COTL1: variants seen among roughly 807,000 people sequenced by gnomAD.
COTL1 encodes coactosin-like protein.
COTL1 carries 15 observed loss-of-function variants against 16.5 expected under a neutral mutation model. The ratio of observed to expected loss-of-function variants is 0.91; its 90% CI spans 0.61 to 1.40. The LOEUF (loss-of-function observed/expected upper bound fraction) is 1.40, where lower values mean the gene tolerates loss of function less well. Ranked by LOEUF, COTL1 falls within the 40% of genes most tolerant of loss-of-function variation. The pLI is 0.00. For synonymous variants in COTL1, 112 were observed against 85.3 expected (o/e 1.31, Z -1.73); for missense variants, 220 against 201.5 (o/e 1.09, Z -0.56).
rs1904923401 is a variant in COTL1 at position 84,593,552 on chromosome 16, C to T, written c.161-3290G>A. On this transcript the variant is annotated intron_variant, in intron 2 of 3. Transcript: ENST00000262428. ...TTGAGAAGGGAGTCTCGCTCCGTCG[C>T]CCAGGCTGGAGTGCAGTGGCGCGAT... Among the ~76,000 whole-genome samples the T allele has an allele frequency of 1.3e-5, 2 of 151,676 alleles. 1 individual carries two copies. The highest frequency in any genetic ancestry group is 1.3e-4 in the Admixed American group (2 of 15,238).
At chr16:84,578,339 T>C (rs1203954082) in intron 3 of COTL1, among the ~76,000 whole-genome samples, 1 of 152,188 alleles carries the variant, frequency 6.6e-6, no homozygotes, top group African/African-American at 2.4e-5. Context: ...TGCCAGTAAA[T>C]ACCAGGCTGT....
chr16:84,617,773 C>A lies in COTL1; in HGVS notation c.77+65G>T, dbSNP rs1386169087. 3 of 1,488,088 alleles carry A rather than the reference C, an allele frequency of 2.0e-6. No individual in the cohort carries two copies. The African/African-American group carries it at 4.2e-5, about 21-fold the overall frequency. The allele number at this position is 1,488,088 out of a possible 1,614,324, so 92.2% of individuals were successfully genotyped here. On this transcript the variant is annotated intron_variant, in intron 1 of 3. Coordinates refer to ENST00000262428, the MANE Select transcript of COTL1 (RefSeq NM_021149.5). ...CGAATCCGTCCCGCCTGGAGGCCGG[C>A]TCGGTGCACGAGGCCCCGCGCGAGC...
chr16:84,603,465 G>A (rs1905143486), intron 2 of COTL1, among the ~76,000 whole-genome samples: 1 of 152,134 alleles, frequency 6.6e-6, no homozygotes, highest in Admixed American at 6.5e-5. Flanking sequence ...AGAGCCCAGG[G>A]GACCAGCAAG....
At chr16:84,609,532 G>A (rs1567540686) in intron 2 of COTL1, among the ~76,000 whole-genome samples, 1 of 152,230 alleles carries the variant, frequency 6.6e-6, no homozygotes, top group Non-Finnish European at 1.5e-5. Context: ...TACCTCCTGT[G>A]ATGGGGGCCT....
intron 3 of COTL1, among the ~76,000 whole-genome samples, chr16:84,570,880 T>G (rs1280015470): frequency 6.6e-6 from 1 of 151,924 alleles, no homozygotes; most frequent in African/African-American, 2.4e-5. Context: ...AGTCCTGTAT[T>G]CCTATTTCGT....
intron 2 of COTL1, among the ~76,000 whole-genome samples, chr16:84,610,667 G>C (rs1436970806): frequency 6.6e-6 from 1 of 152,078 alleles, no homozygotes; most frequent in Non-Finnish European, 1.5e-5. Flanking sequence ...AACTACATTG[G>C]TTGACCAGGA....
At chr16:84,608,902 C>G (rs551750757) in intron 2 of COTL1, among the ~76,000 whole-genome samples, 1 of 152,252 alleles carries the variant, frequency 6.6e-6, no homozygotes, top group South Asian at 2.1e-4. Flanking sequence ...ACGACCTTGT[C>G]TCAAAAATTA....
chr16:84,606,259 G>A (rs1905208924), intron 2 of COTL1, among the ~76,000 whole-genome samples: 1 of 152,238 alleles, frequency 6.6e-6, no homozygotes, highest in South Asian at 2.1e-4. Context: ...TGGGGCCAGA[G>A]CAGTCACATG....
At chr16:84,613,166 A>C (rs1263762884) in intron 2 of COTL1, among the ~76,000 whole-genome samples, 1 of 151,824 alleles carries the variant, frequency 6.6e-6, no homozygotes, top group African/African-American at 2.4e-5. Flanking sequence ...TGCCTGGCTA[A>C]TTTTTGTATT....
In COTL1 at chr16:84,574,059, T is replaced by C. The variant is rs550386551; in HGVS notation, c.319-7104A>G. The stretch of plus-strand genomic sequence containing the variant: ...GGTGTGCGCCTGTTGTCCCAGCTAC[T>C]TGGGAGGCTGAGGCAGGAAGATCAC... On this transcript the variant is annotated intron_variant, in intron 3 of 3. Coordinates refer to ENST00000262428, the MANE Select transcript of COTL1 (RefSeq NM_021149.5). Among the ~76,000 whole-genome samples, 3 of 152,098 alleles carry C rather than the reference T, an allele frequency of 2.0e-5. No homozygotes were observed. The South Asian group carries it at 6.2e-4, about 32-fold the overall frequency.
At chr16:84,579,152 C>G (rs374660248) in intron 3 of COTL1, among the ~76,000 whole-genome samples, 3 of 152,342 alleles carry the variant, frequency 2.0e-5, no homozygotes, top group East Asian at 3.9e-4. Flanking sequence ...GTATCACAGA[C>G]TTACATATGT....
intron 3 of COTL1, among the ~76,000 whole-genome samples, chr16:84,589,580 A>C (rs1904811386): frequency 6.6e-6 from 1 of 152,020 alleles, no homozygotes; most frequent in Non-Finnish European, 1.5e-5. Flanking sequence ...TTTGGAGTTC[A>C]GATTTTCTTT....
At chr16:84,579,975 A>G (rs1453502973) in intron 3 of COTL1, among the ~76,000 whole-genome samples, 2 of 152,238 alleles carry the variant, frequency 1.3e-5, no homozygotes, top group East Asian at 1.9e-4. Flanking sequence ...CGAATGCTGC[A>G]TCCTCACGGC....
At chr16:84,569,424 G>C (rs1288566530) in intron 3 of COTL1, among the ~76,000 whole-genome samples, 1 of 152,040 alleles carries the variant, frequency 6.6e-6, no homozygotes, top group Middle Eastern at 3.4e-3. Context: ...AGAATGATGA[G>C]CCCAGGAGCA....
chr16:84,567,862 C>T (rs1904305252), intron 3 of COTL1: 1 of 151,922 alleles, frequency 6.6e-6, no homozygotes, highest in South Asian at 2.1e-4. Context: ...GATCATAAGA[C>T]TTTAACAAAC....
intron 2 of COTL1, among the ~76,000 whole-genome samples, chr16:84,591,682 G>T (rs1166014417): frequency 7.0e-6 from 1 of 142,842 alleles, no homozygotes; most frequent in Non-Finnish European, 1.5e-5. Context: ...AATTAGCTGG[G>T]CACGGTGGCA....
intron 3 of COTL1, among the ~76,000 whole-genome samples, chr16:84,579,107 A>G (rs1471865528): frequency 6.6e-6 from 1 of 152,182 alleles, no homozygotes; most frequent in Non-Finnish European, 1.5e-5. Context: ...ATGCACACAC[A>G]CCACCATACA....
chr16:84,575,738 A>C (rs1163079610), intron 3 of COTL1: 1 of 152,248 alleles, frequency 6.6e-6, no homozygotes, highest in Admixed American at 6.5e-5. Flanking sequence ...AAATACAAAC[A>C]GGCACCCTTG....
intron 3 of COTL1, among the ~76,000 whole-genome samples, chr16:84,570,919 G>A (rs1400248638): frequency 6.6e-6 from 1 of 150,726 alleles, no homozygotes. Flanking sequence ...GGAACACAGA[G>A]AGAATGTGCA....
Sources: gnomAD v4.1 joint callset for allele counts (sites outside exome capture counted in the v4.1 genomes callset) on GRCh38, gnomAD v4.1.1 for gene constraint, MANE v1.5 for transcripts, NCBI Gene and HGNC (gene_info 2026-07-23, HGNC 2026-07-21) for gene names.